Variants in SWT1 observed in about 807,000 individuals in gnomAD.
SWT1 encodes SWT1 RNA endoribonuclease homolog.
Under a neutral mutation model 107.3 loss-of-function variants are expected in SWT1, and 33 were observed. That is an observed-to-expected ratio of 0.31 (90% CI 0.23 to 0.41). The LOEUF (loss-of-function observed/expected upper bound fraction) is 0.41, where lower values mean the gene tolerates loss of function less well. Among genes scored for constraint, SWT1 ranks in the 10% least tolerant of loss-of-function variants. The pLI is 1.00. For synonymous variants in SWT1, 345 were observed against 348.3 expected (o/e 0.99, Z 0.11); for missense variants, 898 against 1,028.9 (o/e 0.87, Z 1.74).
chr1:185,183,393 C>A (rs1038838351), intron 7 of SWT1, among the ~76,000 whole-genome samples: 1 of 151,982 alleles, frequency 6.6e-6, no homozygotes, highest in African/African-American at 2.4e-5. Context: ...CAGGTTCAAG[C>A]AATTCTCCTG....
intron 14 of SWT1, among the ~76,000 whole-genome samples, chr1:185,219,655 T>C (rs2102520061): frequency 6.6e-6 from 1 of 152,246 alleles, no homozygotes; most frequent in East Asian, 1.9e-4. Context: ...ATTTTGTACA[T>C]TCTGTTAGGT....
chr1:185,165,422 G>T (rs1472272734), intron 2 of SWT1, among the ~76,000 whole-genome samples: 1 of 152,112 alleles, frequency 6.6e-6, no homozygotes, highest in Admixed American at 6.6e-5. Flanking sequence ...AATAAAGCAA[G>T]CCACAATAAA....
intron 15 of SWT1, among the ~76,000 whole-genome samples, chr1:185,226,384 G>A (rs1477703972): frequency 6.6e-6 from 1 of 152,150 alleles, no homozygotes; most frequent in Non-Finnish European, 1.5e-5. Context: ...GGCCTTTCAT[G>A]TAAAGATGCT....
At chr1:185,268,054 T>G (rs1663534193) in intron 16 of SWT1, among the ~76,000 whole-genome samples, 1 of 152,208 alleles carries the variant, frequency 6.6e-6, no homozygotes, top group Admixed American at 6.5e-5. Context: ...TGTAATGAAG[T>G]CTAAATTCAA....
intron 1 of SWT1, among the ~76,000 whole-genome samples, chr1:185,160,475 G>A (rs1654042496): frequency 6.6e-6 from 1 of 152,082 alleles, no homozygotes. Flanking sequence ...TTGGGAGGCG[G>A]GTGGATAACA....
rs867723550 is a variant in SWT1, at chr1:185,227,684, A to G, written c.2310-3893A>G. On this transcript the variant is annotated intron_variant, in intron 15 of 18. Coordinates refer to ENST00000367500, the MANE Select transcript of SWT1 (RefSeq NM_017673.7). ...CTTAAAGTAGGCCTTATTCTTAACAACTTTAACAAACCCCATCCTGCAGAA... is the reference window on the plus strand; with the variant it reads ...CTTAAAGTAGGCCTTATTCTTAACAGCTTTAACAAACCCCATCCTGCAGAA... 15 of 603,416 alleles carry G rather than the reference A, an allele frequency of 2.5e-5. 1 individual carries two copies. Among genetic ancestry groups the G allele is most frequent in the South Asian group, 1.3e-4 (9 of 70,428 alleles). 37.4% of individuals were successfully genotyped at this position (603,416 alleles called of 1,614,324 possible). A position where few individuals can be genotyped will look rare whatever the true frequency, so the allele number is the denominator to read the frequency against.
intron 14 of SWT1, 21 bp downstream of exon 14, chr1:185,214,676 C>A: frequency 6.3e-7 from 1 of 1,586,252 alleles, no homozygotes; most frequent in Non-Finnish European, 8.6e-7. Context: ...TTTGGAATGC[C>A]AGTTAGAGTA....
intron 16 of SWT1, among the ~76,000 whole-genome samples, chr1:185,265,707 A>G (rs887631275): frequency 5.3e-5 from 8 of 152,198 alleles, no homozygotes; most frequent in Non-Finnish European, 8.8e-5. Flanking sequence ...TTATTAAGCT[A>G]TAGAGATCAA....
chr1:185,235,747 G>C (rs1660824311), intron 16 of SWT1, among the ~76,000 whole-genome samples: 1 of 152,162 alleles, frequency 6.6e-6, no homozygotes, highest in Non-Finnish European at 1.5e-5. Flanking sequence ...CAAATAGGAA[G>C]AGAAGAGGTC....
intron 16 of SWT1, among the ~76,000 whole-genome samples, chr1:185,251,799 T>TA (rs891464304): frequency 2.7e-4 from 40 of 145,754 alleles, no homozygotes; most frequent in African/African-American, 4.9e-4. Context: ...TATATATATA[T>TA]TTTTTTTATT....
At chr1:185,257,319 C>T (rs545560244) in intron 16 of SWT1, among the ~76,000 whole-genome samples, 1 of 151,794 alleles carries the variant, frequency 6.6e-6, no homozygotes, top group East Asian at 1.9e-4. Flanking sequence ...CCAGTTCGAG[C>T]TTCCTGGCTG....
chr1:185,218,882 G>A (rs752817471), intron 14 of SWT1, among the ~76,000 whole-genome samples: 10 of 152,160 alleles, frequency 6.6e-5, no homozygotes, highest in Admixed American at 3.3e-4. Flanking sequence ...GAATTGTCAC[G>A]TGAATTAACA....
At chr1:185,160,164 G>C (rs1033588549) in intron 1 of SWT1, among the ~76,000 whole-genome samples, 1 of 152,188 alleles carries the variant, frequency 6.6e-6, no homozygotes, top group Non-Finnish European at 1.5e-5. Context: ...AAGGTATTTT[G>C]GGAAAATGAA....
intron 4 of SWT1, among the ~76,000 whole-genome samples, chr1:185,172,278 A>G (rs1489232869): frequency 4.6e-5 from 7 of 152,190 alleles, no homozygotes; most frequent in Non-Finnish European, 1.0e-4. Context: ...ACATTTTAGC[A>G]CCTTTCTGGC....
At chr1:185,278,994 G>A (rs1349634389) in intron 18 of SWT1, among the ~76,000 whole-genome samples, 1 of 152,124 alleles carries the variant, frequency 6.6e-6, no homozygotes. Context: ...ATACACAAAT[G>A]TTTCAACACA....
chr1:185,259,872 C>T (rs947541699), intron 16 of SWT1, among the ~76,000 whole-genome samples: 3 of 152,100 alleles, frequency 2.0e-5, no homozygotes, highest in African/African-American at 7.2e-5. Context: ...ATAGTACTTA[C>T]ATTACATTCA....
At chr1:185,238,116 A>G (rs867681479) in intron 16 of SWT1, among the ~76,000 whole-genome samples, 34 of 151,982 alleles carry the variant, frequency 2.2e-4, no homozygotes, top group African/African-American at 8.0e-4. Context: ...TCTCCTGAGT[A>G]GCTGGGACTA....
chr1:185,246,689 G>T (rs1297999989), intron 16 of SWT1, among the ~76,000 whole-genome samples: 1 of 132,964 alleles, frequency 7.5e-6, no homozygotes, highest in Non-Finnish European at 1.5e-5. Flanking sequence ...CGGTGCAGTT[G>T]TATGATCATA....
At chr1:185,160,649 C>T (rs1172203397) in intron 1 of SWT1, among the ~76,000 whole-genome samples, 184 bp from the exon 2 acceptor site, 1 of 152,026 alleles carries the variant, frequency 6.6e-6, no homozygotes, top group Non-Finnish European at 1.5e-5. Flanking sequence ...TTGCAGTGAG[C>T]TGAGATCATC....
Sources: gnomAD v4.1 joint callset for allele counts (sites outside exome capture counted in the v4.1 genomes callset) on GRCh38, gnomAD v4.1.1 for gene constraint, MANE v1.5 for transcripts, NCBI Gene and HGNC (gene_info 2026-07-23, HGNC 2026-07-21) for gene names.